CERS3: variants seen among roughly 807,000 people sequenced by gnomAD.
CERS3 encodes ceramide synthase 3, also known as LAG1 homolog, ceramide synthase 3.
CERS3 carries 33 observed loss-of-function variants against 50.3 expected under a neutral mutation model. That is an observed-to-expected ratio of 0.66 (90% confidence interval 0.50 to 0.88). The LOEUF is 0.88. Among genes scored for constraint, CERS3 ranks in the 40% least tolerant of loss-of-function variants. The pLI is 0.00. For missense variants in CERS3, 470 were observed against 460.3 expected (o/e 1.02, Z -0.19); for synonymous variants, 176 against 155.2 (o/e 1.13, Z -0.99).
intron 1 of CERS3, among the ~76,000 whole-genome samples, chr15:100,527,675 C>T (rs752132224): frequency 6.6e-6 from 1 of 152,236 alleles, no homozygotes; most frequent in Non-Finnish European, 1.5e-5. Context: ...AATTCCTCGT[C>T]TGAAAGTGGC....
chr15:100,482,722 G>A (rs74041463), intron 5 of CERS3, among the ~76,000 whole-genome samples: 3,718 of 152,218 alleles, frequency 0.024, 59 homozygotes, highest in South Asian at 0.05. Flanking sequence ...CAACGTGCCT[G>A]GGGGCTCATC....
chr15:100,537,763 C>G (rs548157137), intron 1 of CERS3, among the ~76,000 whole-genome samples: 1 of 152,174 alleles, frequency 6.6e-6, no homozygotes, highest in African/African-American at 2.4e-5. Flanking sequence ...CCCATGGCCC[C>G]TCCCAAATCT....
intron 11 of CERS3, among the ~76,000 whole-genome samples, chr15:100,451,480 G>A (rs1435624302): frequency 3.9e-5 from 6 of 152,136 alleles, no homozygotes; most frequent in Non-Finnish European, 7.3e-5. Flanking sequence ...AAGGTGGGAA[G>A]ATCACAAGGT....
At chr15:100,417,125 G>C (rs894245764) in intron 11 of CERS3, among the ~76,000 whole-genome samples, 5 of 152,184 alleles carry the variant, frequency 3.3e-5, no homozygotes, top group African/African-American at 1.2e-4. Context: ...CTCCCAGCGT[G>C]AGCGACGCAG....
intron 10 of CERS3, among the ~76,000 whole-genome samples, chr15:100,456,340 A>G: frequency 6.6e-6 from 1 of 152,246 alleles, no homozygotes; most frequent in East Asian, 1.9e-4. Context: ...AAACAAAAGC[A>G]TACACTAACC....
intron 1 of CERS3, among the ~76,000 whole-genome samples, chr15:100,523,225 G>C (rs1360781666): frequency 6.6e-6 from 1 of 152,054 alleles, no homozygotes; most frequent in Admixed American, 6.5e-5. Context: ...CTCCTTGTTT[G>C]TTACATGCAT....
chr15:100,479,565 T>G, intron 6 of CERS3, 87 bp from the exon 7 acceptor site: 3 of 948,964 alleles, frequency 3.2e-6, no homozygotes, highest in Non-Finnish European at 3.2e-6. Flanking sequence ...ACCTAAGCTC[T>G]TCCTTATGTC....
At chr15:100,525,009 T>A (rs949119327) in intron 1 of CERS3, among the ~76,000 whole-genome samples, 1 of 152,218 alleles carries the variant, frequency 6.6e-6, no homozygotes, top group African/African-American at 2.4e-5. Flanking sequence ...TCAAGCTCCT[T>A]AATGTAATAT....
intron 1 of CERS3, among the ~76,000 whole-genome samples, chr15:100,526,514 A>G (rs973014815): frequency 1.5e-4 from 1 of 6,854 alleles, no homozygotes; most frequent in Non-Finnish European, 5.3e-4. Context: ...GTGTGTGTGT[A>G]AAAACAACTT....
At chr15:100,464,949 G>C (rs1273787592) in intron 10 of CERS3, among the ~76,000 whole-genome samples, 2 of 152,138 alleles carry the variant, frequency 1.3e-5, no homozygotes, top group East Asian at 1.9e-4. Context: ...GCAGTGGCTG[G>C]ACATGAAAGG....
intron 11 of CERS3, among the ~76,000 whole-genome samples, chr15:100,451,216 A>G (rs1239789999): frequency 1.3e-5 from 2 of 152,238 alleles, no homozygotes; most frequent in Non-Finnish European, 2.9e-5. Context: ...TAAGAGAGAA[A>G]GAAAGAAACA....
At chr15:100,540,119 C>A (rs951700050) in intron 1 of CERS3, among the ~76,000 whole-genome samples, 2 of 152,204 alleles carry the variant, frequency 1.3e-5, no homozygotes, top group Non-Finnish European at 2.9e-5. Context: ...TACTGTCCAC[C>A]AAACCCAATA....
intron 5 of CERS3, among the ~76,000 whole-genome samples, chr15:100,481,005 A>T (rs1467805110): frequency 1.3e-5 from 2 of 152,216 alleles, no homozygotes. Context: ...TTTTAAAGTT[A>T]TGTCTATTTT....
At chr15:100,457,838 T>C (rs1031763606) in intron 10 of CERS3, among the ~76,000 whole-genome samples, 12 of 152,212 alleles carry the variant, frequency 7.9e-5, no homozygotes, top group African/African-American at 2.7e-4. Flanking sequence ...TATTGTTCTA[T>C]ATTTTTGCCA....
chr15:100,512,999 C>G (rs572402705), intron 2 of CERS3, among the ~76,000 whole-genome samples: 27 of 152,292 alleles, frequency 1.8e-4, no homozygotes, highest in African/African-American at 6.5e-4. Flanking sequence ...CTCACTGTTA[C>G]TAAACATAAT....
At chr15:100,529,211 G>A (rs1006473401), upstream of CERS3, 3 of 152,218 alleles carry the variant, frequency 2.0e-5, no homozygotes, top group African/African-American at 4.8e-5. Context: ...GTATTAAAAG[G>A]AAAGGGCTTA....
At chr15:100,466,805 C>T (rs1307805214) in intron 10 of CERS3, among the ~76,000 whole-genome samples, 23 of 49,812 alleles carry the variant, frequency 4.6e-4, no homozygotes, top group African/African-American at 1.3e-3. Context: ...CCCTCCCTCC[C>T]TCCCTCCCTC....
chr15:100,449,562 C>T (rs530236288), intron 11 of CERS3, among the ~76,000 whole-genome samples: 3 of 152,212 alleles, frequency 2.0e-5, no homozygotes, highest in African/African-American at 7.2e-5. Context: ...TTCCCATCCC[C>T]AGCAAAACCT....
intron 10 of CERS3, among the ~76,000 whole-genome samples, 195 bp downstream of exon 10, chr15:100,469,183 T>A (rs1436829899): frequency 6.6e-6 from 1 of 152,240 alleles, no homozygotes; most frequent in East Asian, 1.9e-4. Flanking sequence ...CCCGTTGTAA[T>A]AAGCCTTTTC....
Sources: allele counts gnomAD v4.1 joint callset (sites outside exome capture counted in the v4.1 genomes callset), GRCh38; gene constraint gnomAD v4.1.1; transcripts MANE v1.5; gene names NCBI Gene and HGNC (gene_info 2026-07-23, HGNC 2026-07-21).